The following PRKCE variants were observed in gnomAD, a reference collection of about 807,000 sequenced individuals.
PRKCE encodes protein kinase C epsilon.
Under a neutral mutation model 85.4 loss-of-function variants are expected in PRKCE, and 16 were observed. The observed-to-expected ratio is 0.19, with a 90% CI of 0.13 to 0.28. The LOEUF (loss-of-function observed/expected upper bound fraction) is 0.28. Among genes scored for constraint, PRKCE ranks in the 10% least tolerant of loss-of-function variants. The pLI is 1.00. For missense variants in PRKCE, 573 were observed against 975.2 expected (o/e 0.59, Z 5.49); for synonymous variants, 388 against 371.5 (o/e 1.04, Z -0.51).
intron 1 of PRKCE, among the ~76,000 whole-genome samples, chr2:45,814,077 C>T (rs1470425199): frequency 6.6e-6 from 1 of 152,030 alleles, no homozygotes; most frequent in Non-Finnish European, 1.5e-5. Flanking sequence ...GGGAATGATG[C>T]TGAGAAAAAG....
chr2:46,028,750 A>C (rs1425481814), intron 10 of PRKCE, among the ~76,000 whole-genome samples: 1 of 152,216 alleles, frequency 6.6e-6, no homozygotes, highest in Non-Finnish European at 1.5e-5. Flanking sequence ...TATTGTACAG[A>C]TTATTTCATC....
At chr2:46,132,393 G>C (rs908186754) in intron 11 of PRKCE, among the ~76,000 whole-genome samples, 13 of 152,246 alleles carry the variant, frequency 8.5e-5, no homozygotes, top group African/African-American at 3.1e-4. Flanking sequence ...ATAATGTTCA[G>C]CATGCACGAG....
chr2:46,037,856 C>T (rs1220951885), intron 10 of PRKCE, among the ~76,000 whole-genome samples: 1 of 152,190 alleles, frequency 6.6e-6, no homozygotes, highest in Non-Finnish European at 1.5e-5. Flanking sequence ...AAGCTGGATA[C>T]ATATGTGGCC....
intron 10 of PRKCE, among the ~76,000 whole-genome samples, chr2:46,032,054 C>T (rs189552896): frequency 1.3e-4 from 20 of 152,316 alleles, no homozygotes; most frequent in Admixed American, 1.3e-3. Flanking sequence ...CTCCTTTGCG[C>T]AGTGGAAATA....
intron 1 of PRKCE, among the ~76,000 whole-genome samples, chr2:45,809,400 G>A (rs1193374809): frequency 2.0e-5 from 3 of 152,158 alleles, no homozygotes; most frequent in African/African-American, 7.2e-5. Flanking sequence ...AAAGCTTGAT[G>A]ACTGATTAAT....
rs1369942803 is a variant in PRKCE at position 46,068,402 on chromosome 2, C to T, written c.1438-17806C>T. Among the ~76,000 whole-genome samples the T allele has an allele frequency of 6.6e-6, 1 of 151,990 alleles. No homozygotes were observed. Among genetic ancestry groups the T allele is most frequent in the Non-Finnish European group, 1.5e-5 (1 of 68,010 alleles). On this transcript the variant is annotated intron_variant, in intron 10 of 14. Coordinates refer to ENST00000306156, the MANE Select transcript of PRKCE (RefSeq NM_005400.3). This position sits in a 1 kb window ranked among gnomAD's most constrained non-coding sequence, Gnocchi z 4.3. ...TTCAGACAATCATAGCAGAGCAGAA[C>T]CAAAATGATATTAAATATATTAATT... is the stretch of plus-strand genomic sequence containing the variant.
intron 6 of PRKCE, 133 bp downstream of exon 6, chr2:45,984,813 C>T: frequency 7.9e-7 from 1 of 1,270,054 alleles, no homozygotes; most frequent in Non-Finnish European, 1.1e-6. Context: ...CTTTGTTAAT[C>T]CTGCATTAGT....
chr2:45,900,990 T>G (rs904708819), intron 2 of PRKCE, among the ~76,000 whole-genome samples: 1 of 152,200 alleles, frequency 6.6e-6, no homozygotes, highest in Non-Finnish European at 1.5e-5. Flanking sequence ...ACTGGGTAAT[T>G]AACATGGTAC....
intron 2 of PRKCE, among the ~76,000 whole-genome samples, chr2:45,921,571 C>T (rs1231080471): frequency 3.9e-5 from 6 of 152,200 alleles, no homozygotes. Flanking sequence ...GTCACATGCT[C>T]AAGGTCCTAG....
At chr2:46,081,466 C>T (rs369869615) in intron 10 of PRKCE, among the ~76,000 whole-genome samples, 23 of 152,262 alleles carry the variant, frequency 1.5e-4, no homozygotes, top group African/African-American at 4.1e-4. Flanking sequence ...CAGACTACGG[C>T]GGGGAGGGGA....
intron 1 of PRKCE, among the ~76,000 whole-genome samples, chr2:45,766,897 C>T (rs12105293): frequency 1.5e-3 from 226 of 152,236 alleles, no homozygotes; most frequent in African/African-American, 4.9e-3. Context: ...AAAAATTAGC[C>T]GGGCATGATG....
At chr2:45,989,648 T>TA (rs34422241) in intron 6 of PRKCE, among the ~76,000 whole-genome samples, 70,362 of 147,208 alleles carry the variant, frequency 0.48, 17,224 homozygotes, top group African/African-American at 0.62. Flanking sequence ...TTTCCTTGTT[T>TA]AAAAAAAAAA....
chr2:45,784,071 G>C lies in PRKCE; in HGVS notation c.349-58929G>C, dbSNP rs1310556372. 5.9e-5 allele frequency among the ~76,000 whole-genome samples: 9 copies of C among 152,402 alleles called. No homozygotes were observed. The East Asian group carries it at 1.7e-3, about 29-fold the overall frequency. On this transcript the variant is annotated intron_variant, in intron 1 of 14. Transcript: ENST00000306156. ...CTTCTCTGGATGTCAGGAGAGCTCT[G>C]TGCTGGCGCTCAAGGACCTCAGGGT...
chr2:45,819,769 TG>T (rs2105325454), intron 1 of PRKCE, among the ~76,000 whole-genome samples: 1 of 152,324 alleles, frequency 6.6e-6, no homozygotes, highest in Admixed American at 6.5e-5. Flanking sequence ...GGTGGTGCTC[TG>T]GGAAGTGTGG....
chr2:45,725,467 C>T (rs1446581586), intron 1 of PRKCE, among the ~76,000 whole-genome samples: 2 of 152,100 alleles, frequency 1.3e-5, no homozygotes, highest in African/African-American at 2.4e-5. Context: ...TTTCATAAGG[C>T]TTTAGCTGCC....
At chr2:46,162,471 C>T (rs1365804578) in intron 14 of PRKCE, among the ~76,000 whole-genome samples, 1 of 152,178 alleles carries the variant, frequency 6.6e-6, no homozygotes, top group Non-Finnish European at 1.5e-5. Flanking sequence ...TTGAAGTGAT[C>T]TCCTGTGCAT....
intron 2 of PRKCE, among the ~76,000 whole-genome samples, chr2:45,917,916 G>T (rs1039175917): frequency 6.6e-6 from 1 of 151,202 alleles, no homozygotes; most frequent in African/African-American, 2.4e-5. Context: ...CTGGCCCGGT[G>T]CTAAGCCCCT....
intron 11 of PRKCE, among the ~76,000 whole-genome samples, chr2:46,143,851 C>G (rs2166866): frequency 0.95 from 144,270 of 152,334 alleles, 68,405 homozygotes; most frequent in East Asian, 1. Flanking sequence ...GGGGTCGTGG[C>G]TACAATGCAG....
intron 2 of PRKCE, among the ~76,000 whole-genome samples, chr2:45,887,943 C>T (rs1573756188): frequency 6.6e-6 from 1 of 152,204 alleles, no homozygotes; most frequent in East Asian, 1.9e-4. Flanking sequence ...TTTAGCTTCC[C>T]ATCCTCTGCC....
Sources: allele counts gnomAD v4.1 joint callset (sites outside exome capture counted in the v4.1 genomes callset), GRCh38; gene constraint gnomAD v4.1.1; non-coding constraint Gnocchi (gnomAD v3.1); transcripts MANE v1.5; gene names NCBI Gene and HGNC (gene_info 2026-07-23, HGNC 2026-07-21).